The following CYRIA variants were observed in gnomAD, a reference collection of about 807,000 sequenced individuals.
The protein encoded by CYRIA is CYFIP-related Rac1 interactor A.
CYRIA carries 15 observed loss-of-function variants against 43.9 expected under a neutral mutation model. That is an observed-to-expected ratio of 0.34 (90% CI 0.23 to 0.53). The LOEUF is 0.53. Among genes scored for constraint, CYRIA ranks in the 20% least tolerant of loss-of-function variants. The probability of loss-of-function intolerance (pLI) is 0.94; values close to 1 mark genes in which losing one functional copy is unlikely to be tolerated. For missense variants in CYRIA, 236 were observed against 394.2 expected (o/e 0.60, Z 3.40); for synonymous variants, 117 against 136.0 (o/e 0.86, Z 0.97).
Position 16,552,898 on chromosome 2 carries a change from T to A in CYRIA, c.*38A>T, listed in dbSNP as rs1432409750. On this transcript the variant is annotated 3_prime_UTR_variant, in exon 12 of 12. Coordinates refer to ENST00000381323, the MANE Select transcript of CYRIA (RefSeq NM_030797.4). ...AAATTATGTAAACATATACATCTTC[T>A]GAGGTCAGCACATAGATCCTCTTCT... 7 of 1,269,404 alleles carry A rather than the reference T, an allele frequency of 5.5e-6. No homozygotes were observed. Among genetic ancestry groups the A allele is most frequent in the Non-Finnish European group, 8.1e-6 (7 of 865,272 alleles). 78.6% of individuals were successfully genotyped at this position (1,269,404 alleles called of 1,614,324 possible).
chr2:16,582,335 A>C (rs1468403337), intron 3 of CYRIA, among the ~76,000 whole-genome samples: 1 of 152,206 alleles, frequency 6.6e-6, no homozygotes, highest in Non-Finnish European at 1.5e-5. Flanking sequence ...AAAAACAAAA[A>C]AAATTTACAA....
At chr2:16,587,124 C>T (rs1175501684) in intron 3 of CYRIA, among the ~76,000 whole-genome samples, 2 of 151,994 alleles carry the variant, frequency 1.3e-5, no homozygotes, top group Non-Finnish European at 1.5e-5. Flanking sequence ...GGATATATGT[C>T]AAAATCCTGA....
At chr2:16,623,759 G>C (rs1438349147) in intron 2 of CYRIA, 105 bp downstream of exon 2, 1 of 152,162 alleles carries the variant, frequency 6.6e-6, no homozygotes, top group East Asian at 1.9e-4. Flanking sequence ...TTCCTTAATA[G>C]TTTCATGTCT....
chr2:16,590,695 A>G (rs958922253), intron 2 of CYRIA, among the ~76,000 whole-genome samples: 1 of 152,146 alleles, frequency 6.6e-6, no homozygotes, highest in East Asian at 1.9e-4. Flanking sequence ...ATTTTTGAAC[A>G]TCATTCTAAC....
intron 1 of CYRIA, among the ~76,000 whole-genome samples, chr2:16,660,261 A>C (rs570076231): frequency 6.6e-6 from 1 of 152,308 alleles, no homozygotes; most frequent in South Asian, 2.1e-4. Flanking sequence ...AAGCACAGAG[A>C]TCTGCTCTTC....
chr2:16,646,197 G>T (rs1669816328), intron 1 of CYRIA, among the ~76,000 whole-genome samples: 1 of 152,154 alleles, frequency 6.6e-6, no homozygotes, highest in South Asian at 2.1e-4. Context: ...TACACTTGTG[G>T]TCTAAGGAGA....
At chr2:16,636,487 G>A (rs1039902332) in intron 1 of CYRIA, among the ~76,000 whole-genome samples, 1 of 152,166 alleles carries the variant, frequency 6.6e-6, no homozygotes, top group Admixed American at 6.5e-5. Context: ...CCCTTGCTTT[G>A]TGAATGAGGA....
intron 2 of CYRIA, among the ~76,000 whole-genome samples, chr2:16,600,984 T>C (rs568229661): frequency 6.6e-6 from 1 of 152,278 alleles, no homozygotes; most frequent in South Asian, 2.1e-4. Context: ...GGGCTCCACA[T>C]CCCTAGGAGG....
intron 10 of CYRIA, 35 bp downstream of exon 10, chr2:16,559,425 C>CAACA: frequency 6.2e-7 from 1 of 1,602,720 alleles, no homozygotes; most frequent in South Asian, 1.1e-5. Flanking sequence ...TTCATGGGCC[C>CAACA]TTATTTGGAA....
chr2:16,601,188 A>G (rs556594139), intron 2 of CYRIA, among the ~76,000 whole-genome samples: 1 of 152,312 alleles, frequency 6.6e-6, no homozygotes, highest in African/African-American at 2.4e-5. Context: ...AAATGAAGGA[A>G]AAGAGAAAAT....
chr2:16,593,849 T>C (rs1387920453), intron 2 of CYRIA, among the ~76,000 whole-genome samples: 6 of 147,962 alleles, frequency 4.1e-5, no homozygotes, highest in Non-Finnish European at 8.9e-5. Context: ...TAGCATTAGG[T>C]ATATCTCCCA....
intron 3 of CYRIA, among the ~76,000 whole-genome samples, chr2:16,572,782 GTT>G (rs1667185233): frequency 6.6e-6 from 1 of 152,100 alleles, no homozygotes; most frequent in African/African-American, 2.4e-5. Context: ...ATTAATGTGA[GTT>G]TGTCTTGCAA....
Position 16,553,058 on chromosome 2 carries a change from C to T in CYRIA, c.909-59G>A, listed in dbSNP as rs999374301. ...AAACAGTGCTCTGTGTAAGCTTCAG[C>T]CCATCTTTACCTTCGGAAACACAAT... is the stretch of plus-strand genomic sequence containing the variant. On this transcript the variant is annotated intron_variant, in intron 11 of 11. Transcript: ENST00000381323. The T allele has an allele frequency of 1.5e-5, 16 of 1,039,184 alleles. 1 individual carries two copies. In the South Asian group the frequency reaches 1.6e-4, roughly 11 times the overall value. 64.4% of individuals were successfully genotyped at this position (1,039,184 alleles called of 1,614,324 possible).
At chr2:16,600,629 A>C (rs1668173767) in intron 2 of CYRIA, among the ~76,000 whole-genome samples, 1 of 152,228 alleles carries the variant, frequency 6.6e-6, no homozygotes. Flanking sequence ...ATATTAATTG[A>C]ATGTGAAAAT....
Position 16,583,245 on chromosome 2 carries a change from A to G in CYRIA, c.70+4805T>C, listed in dbSNP as rs370507579. 2.0e-5 allele frequency among the ~76,000 whole-genome samples: 3 copies of G among 152,220 alleles called. No individual in the cohort carries two copies. In the South Asian group the frequency reaches 6.2e-4, roughly 31 times the overall value. ...TAAAATAAATAGTTTACTTGAAGTG[A>G]GAATGCAGAGATTTGAATCTACCTG... On this transcript the variant is annotated intron_variant, in intron 3 of 11. Coordinates refer to ENST00000381323, the MANE Select transcript of CYRIA (RefSeq NM_030797.4).
At chr2:16,664,803 G>A (rs2103563875) in intron 1 of CYRIA, among the ~76,000 whole-genome samples, 1 of 152,276 alleles carries the variant, frequency 6.6e-6, no homozygotes, top group East Asian at 1.9e-4. Context: ...GGAGATCAGG[G>A]CCCTAAACTC....
At chr2:16,656,944 G>C (rs1441622400) in intron 1 of CYRIA, among the ~76,000 whole-genome samples, 1 of 152,174 alleles carries the variant, frequency 6.6e-6, no homozygotes, top group African/African-American at 2.4e-5. Context: ...AGTAAAGGAA[G>C]ACCCGAGAGG....
intron 2 of CYRIA, among the ~76,000 whole-genome samples, chr2:16,612,901 T>C (rs1490536815): frequency 1.3e-5 from 2 of 152,184 alleles, no homozygotes; most frequent in Admixed American, 6.5e-5. Context: ...ATGGTGGCAC[T>C]TCCCCCCCAT....
chr2:16,615,369 G>C (rs1415097166), intron 2 of CYRIA, among the ~76,000 whole-genome samples: 1 of 152,174 alleles, frequency 6.6e-6, no homozygotes, highest in East Asian at 1.9e-4. Context: ...CTCTCCTACT[G>C]GTTTAGTATG....
Sources: allele counts gnomAD v4.1 joint callset (sites outside exome capture counted in the v4.1 genomes callset), GRCh38; gene constraint gnomAD v4.1.1; transcripts MANE v1.5; gene names NCBI Gene and HGNC (gene_info 2026-07-23, HGNC 2026-07-21).